Variants in MCTP1 observed in about 807,000 individuals in gnomAD.
MCTP1 encodes the protein multiple C2 and transmembrane domain containing 1, also known as multiple C2 and transmembrane domain-containing protein 1.
Under a neutral mutation model 120.6 loss-of-function variants are expected in MCTP1, and 69 were observed. That is an observed-to-expected ratio of 0.57 (90% CI 0.47 to 0.70). MCTP1 has a LOEUF of 0.70. MCTP1 is among the 30% of genes least tolerant of loss of function. The pLI is 0.00. For missense variants in MCTP1, 1,203 were observed against 1,248.8 expected (o/e 0.96, Z 0.55); for synonymous variants, 529 against 493.1 (o/e 1.07, Z -0.96).
At chr5:95,138,964 A>G (rs145689428) in intron 1 of MCTP1, among the ~76,000 whole-genome samples, 1 of 152,326 alleles carries the variant, frequency 6.6e-6, no homozygotes, top group East Asian at 1.9e-4. Context: ...TGTATATTAT[A>G]CACACATACA....
chr5:95,220,929 A>G (rs980280189), intron 1 of MCTP1, among the ~76,000 whole-genome samples: 1 of 152,258 alleles, frequency 6.6e-6, no homozygotes, highest in African/African-American at 2.4e-5. Context: ...GGAATCACAG[A>G]TGGTACTAAA....
Position 94,901,879 on chromosome 5 carries a change from T to G in MCTP1, c.1653-7044A>C, listed in dbSNP as rs116620053. ...GTACAGAAAGTACATGTTAGAACTA[T>G]TTGCAATTATTTTTTAACGTAAAAA... On this transcript the variant is annotated intron_variant, in intron 10 of 22. Coordinates refer to ENST00000515393, the MANE Select transcript of MCTP1 (RefSeq NM_024717.7). Among the ~76,000 whole-genome samples the G allele has an allele frequency of 8.8e-3, 1,344 of 152,250 alleles. 17 individuals carry two copies. Among genetic ancestry groups the G allele is most frequent in the African/African-American group, 0.029 (1,215 of 41,532 alleles).
chr5:95,240,863 A>C (rs1443054878), intron 1 of MCTP1, among the ~76,000 whole-genome samples: 1 of 151,902 alleles, frequency 6.6e-6, no homozygotes, highest in East Asian at 1.9e-4. Context: ...AATTCTGACT[A>C]GTTAAATCCT....
At chr5:95,211,133 G>A (rs1345227318) in intron 1 of MCTP1, among the ~76,000 whole-genome samples, 2 of 151,976 alleles carry the variant, frequency 1.3e-5, no homozygotes, top group Admixed American at 1.3e-4. Flanking sequence ...CAACTTTGGT[G>A]AATCTGACAA....
Position 94,704,890 on chromosome 5 carries a change from T to A in MCTP1, c.*2606A>T, listed in dbSNP as rs1479410334. ...GATTCAATCAATCAATCAGTTTGAG[T>A]CTGGAACAGTACCAGAATGAATGAG... is the stretch of plus-strand genomic sequence containing the variant. On this transcript the variant is annotated 3_prime_UTR_variant, in exon 23 of 23. Coordinates refer to ENST00000515393, the MANE Select transcript of MCTP1 (RefSeq NM_024717.7). The A allele has an allele frequency of 1.3e-5, 2 of 150,980 alleles. No homozygotes were observed. Among genetic ancestry groups the A allele is most frequent in the African/African-American group, 4.8e-5 (2 of 41,264 alleles). 9.4% of individuals were successfully genotyped at this position (150,980 alleles called of 1,614,324 possible). A position where few individuals can be genotyped will look rare whatever the true frequency, so the allele number is the denominator to read the frequency against.
chr5:94,860,967 A>G (rs1228021744), intron 17 of MCTP1, among the ~76,000 whole-genome samples: 1 of 151,758 alleles, frequency 6.6e-6, no homozygotes, highest in East Asian at 1.9e-4. Context: ...TTAAAATGAG[A>G]GCTGACTTTG....
rs115025681 is a variant in MCTP1, at chr5:94,973,284, G to A, written c.839-19923C>T. On this transcript the variant is annotated intron_variant, in intron 2 of 22. Coordinates refer to ENST00000515393, the MANE Select transcript of MCTP1 (RefSeq NM_024717.7). ...ATGCCTAACCATCGTCATCTTTTCC[G>A]ATCAACCGACTTGTCCCGTCTACCT... Among the ~76,000 whole-genome samples the A allele has an allele frequency of 3.3e-3, 503 of 152,156 alleles. 2 individuals are homozygous for A. The highest frequency in any genetic ancestry group is 0.016 in the South Asian group (77 of 4,810).
intron 10 of MCTP1, among the ~76,000 whole-genome samples, chr5:94,903,083 G>T (rs1216409226): frequency 6.6e-6 from 1 of 151,926 alleles, no homozygotes; most frequent in Non-Finnish European, 1.5e-5. Context: ...GAAAATCAAC[G>T]ACAAACTCCA....
chr5:94,947,605 GAGAGAGAGAGAGAGAGAA>G (rs1181441807), intron 3 of MCTP1, among the ~76,000 whole-genome samples: 6 of 113,770 alleles, frequency 5.3e-5, no homozygotes, highest in African/African-American at 9.7e-5. Flanking sequence ...GAGAGAGAGA[GAGAGAGAGAGAGAGAGAA>G]AGAGAGACAG....
chr5:95,276,367 T>C (rs556904645), intron 1 of MCTP1, among the ~76,000 whole-genome samples: 1 of 149,898 alleles, frequency 6.7e-6, no homozygotes, highest in South Asian at 2.1e-4. Flanking sequence ...CAAGCGATTC[T>C]CCTGTCTCAG....
intron 17 of MCTP1, among the ~76,000 whole-genome samples, chr5:94,855,562 G>A (rs927307843): frequency 1.3e-5 from 2 of 151,742 alleles, no homozygotes; most frequent in Non-Finnish European, 2.9e-5. Context: ...CTGAATTACC[G>A]AGGTAGGCTC....
intron 1 of MCTP1, among the ~76,000 whole-genome samples, chr5:95,169,641 G>A (rs886840401): frequency 7.9e-5 from 12 of 152,010 alleles, no homozygotes; most frequent in East Asian, 1.9e-4. Flanking sequence ...GTATGTGTCC[G>A]GAATTTATCC....
intron 19 of MCTP1, among the ~76,000 whole-genome samples, chr5:94,719,648 A>T (rs562844570): frequency 6.6e-6 from 1 of 152,210 alleles, no homozygotes; most frequent in Non-Finnish European, 1.5e-5. Flanking sequence ...AGGGGAACAA[A>T]CACTGGGATC....
intron 8 of MCTP1, among the ~76,000 whole-genome samples, chr5:94,914,849 T>C (rs576780177): frequency 1.3e-5 from 2 of 152,372 alleles, no homozygotes; most frequent in South Asian, 2.1e-4. Context: ...CGCCCAGTTA[T>C]GCCCAAGGTC....
intron 2 of MCTP1, chr5:94,981,023 C>G (rs1304885798): frequency 6.6e-6 from 1 of 152,048 alleles, no homozygotes; most frequent in African/African-American, 2.4e-5. Flanking sequence ...ACCCCTTATG[C>G]TAAAAACAGT....
intron 8 of MCTP1, among the ~76,000 whole-genome samples, chr5:94,915,180 C>T (rs10039012): frequency 6.6e-6 from 1 of 152,048 alleles, no homozygotes; most frequent in Non-Finnish European, 1.5e-5. Context: ...TTGGTTCCCA[C>T]GAAAACCCCA....
chr5:95,211,932 G>C (rs1399692560), intron 1 of MCTP1, among the ~76,000 whole-genome samples: 2 of 151,870 alleles, frequency 1.3e-5, no homozygotes, highest in Admixed American at 1.3e-4. Flanking sequence ...GAGTTTGCTA[G>C]AGGTTAATAT....
Position 95,278,701 on chromosome 5 carries a change from G to A in MCTP1, c.720+5155C>T, listed in dbSNP as rs548786168. Among the ~76,000 whole-genome samples the A allele has an allele frequency of 1.4e-4, 22 of 152,262 alleles. No individual in the cohort carries two copies. The South Asian group carries it at 4.6e-3, about 32-fold the overall frequency. ...TTTCAAGCCAGGCATGGTGGCTCAT[G>A]CCTGTAATCCCAACACCTTGGGAGG... On this transcript the variant is annotated intron_variant, in intron 1 of 22. Coordinates refer to ENST00000515393, the MANE Select transcript of MCTP1 (RefSeq NM_024717.7).
intron 1 of MCTP1, among the ~76,000 whole-genome samples, chr5:95,109,694 G>A (rs1289391729): frequency 6.6e-6 from 1 of 152,124 alleles, no homozygotes; most frequent in Non-Finnish European, 1.5e-5. Context: ...CTTTCATGAG[G>A]GAGCTATTTT....
Sources: allele counts gnomAD v4.1 joint callset (sites outside exome capture counted in the v4.1 genomes callset), GRCh38; gene constraint gnomAD v4.1.1; transcripts MANE v1.5; gene names NCBI Gene and HGNC (gene_info 2026-07-23, HGNC 2026-07-21).